CCDC102B: variants seen among roughly 807,000 people sequenced by gnomAD.
The protein encoded by CCDC102B is coiled-coil domain-containing protein 102B.
A neutral mutation model predicts 57.4 loss-of-function variants in CCDC102B; 75 were observed. That is an observed-to-expected ratio of 1.31 (90% CI 1.08 to 1.58). The LOEUF (loss-of-function observed/expected upper bound fraction) is 1.58, where lower values mean the gene tolerates loss of function less well. Ranked by LOEUF, CCDC102B falls within the 40% of genes most tolerant of loss-of-function variation. CCDC102B has a pLI of 0.00. For missense variants in CCDC102B, 636 were observed against 582.6 expected, an observed-to-expected ratio of 1.09 and a Z score of -0.94; for synonymous variants, 206 against 201.9, an observed-to-expected ratio of 1.02 and a Z score of -0.17.
intron 5 of CCDC102B, among the ~76,000 whole-genome samples, chr18:68,889,217 G>A (rs2039990358): frequency 6.6e-6 from 1 of 152,106 alleles, no homozygotes; most frequent in South Asian, 2.1e-4. Context: ...AAGTGATTAG[G>A]TCACGAGAGC....
At chr18:68,784,934 G>A (rs952740076) in intron 2 of CCDC102B, among the ~76,000 whole-genome samples, 7 of 151,044 alleles carry the variant, frequency 4.6e-5, no homozygotes, top group African/African-American at 1.5e-4. Context: ...CCACCAACTC[G>A]TCATTTAGCA....
intron 6 of CCDC102B, among the ~76,000 whole-genome samples, chr18:68,972,121 A>G (rs1245104154): frequency 6.6e-6 from 1 of 152,184 alleles, no homozygotes; most frequent in African/African-American, 2.4e-5. Context: ...AATCCAAAGT[A>G]CTAGATTTGG....
At chr18:68,755,316 C>T (rs1463961443) in intron 2 of CCDC102B, among the ~76,000 whole-genome samples, 2 of 152,114 alleles carry the variant, frequency 1.3e-5, no homozygotes, top group African/African-American at 4.8e-5. Flanking sequence ...TTATTTAGCT[C>T]AGCCTGCTGG....
At chr18:68,894,962 G>A (rs76835893) in intron 5 of CCDC102B, among the ~76,000 whole-genome samples, 1 of 151,838 alleles carries the variant, frequency 6.6e-6, no homozygotes, top group East Asian at 1.9e-4. Context: ...AATACTGCAA[G>A]TTCACAAAGA....
intron 6 of CCDC102B, chr18:68,897,769 G>T: frequency 3.6e-6 from 2 of 561,734 alleles, no homozygotes; most frequent in Non-Finnish European, 5.5e-6. Context: ...TTCCAATAAA[G>T]ATTTTTTCAT....
At chr18:68,968,554 T>C (rs74787298) in intron 6 of CCDC102B, among the ~76,000 whole-genome samples, 3,700 of 152,296 alleles carry the variant, frequency 0.024, 118 homozygotes, top group East Asian at 0.15. Flanking sequence ...CTCCATTTTA[T>C]CTTTGTACTA....
At chr18:68,930,754 T>C (rs2041643193) in intron 6 of CCDC102B, among the ~76,000 whole-genome samples, 1 of 151,904 alleles carries the variant, frequency 6.6e-6, no homozygotes, top group Admixed American at 6.6e-5. Context: ...AATCAGAATT[T>C]TGGATGGTTG....
intron 2 of CCDC102B, among the ~76,000 whole-genome samples, chr18:68,718,334 G>A (rs1175824515): frequency 6.6e-6 from 1 of 152,162 alleles, no homozygotes; most frequent in Non-Finnish European, 1.5e-5. Context: ...GTGCTATATA[G>A]CAACGAGAAT....
chr18:68,914,014 T>G (rs949191778), intron 6 of CCDC102B, among the ~76,000 whole-genome samples: 1 of 152,188 alleles, frequency 6.6e-6, no homozygotes, highest in Non-Finnish European at 1.5e-5. Context: ...GCACATATAT[T>G]TTAAAACATA....
intron 4 of CCDC102B, among the ~76,000 whole-genome samples, chr18:68,862,209 A>G (rs2038791312): frequency 6.6e-6 from 1 of 152,218 alleles, no homozygotes. Flanking sequence ...TCTATTGACC[A>G]TGTGATATCC....
At chr18:68,722,899 CTT>C (rs370512490) in intron 2 of CCDC102B, among the ~76,000 whole-genome samples, 46 of 131,768 alleles carry the variant, frequency 3.5e-4, no homozygotes, top group Middle Eastern at 3.6e-3. Context: ...TTTTTGCAAC[CTT>C]TTTTTTTTTT....
At chr18:68,930,660 C>T (rs971065422) in intron 6 of CCDC102B, among the ~76,000 whole-genome samples, 3 of 151,848 alleles carry the variant, frequency 2.0e-5, no homozygotes, top group African/African-American at 7.3e-5. Context: ...ATGTGGTCTA[C>T]GTGCTATAAC....
upstream of CCDC102B, among the ~76,000 whole-genome samples, chr18:68,796,402 G>T (rs1334094436): frequency 6.6e-6 from 1 of 152,092 alleles, no homozygotes; most frequent in African/African-American, 2.4e-5. Context: ...GATGATTTCA[G>T]TTTAGATAAG....
At chr18:68,851,425 A>G (rs1241852067) in intron 4 of CCDC102B, among the ~76,000 whole-genome samples, 3 of 152,216 alleles carry the variant, frequency 2.0e-5, no homozygotes, top group Admixed American at 6.5e-5. Flanking sequence ...GAATATAAAA[A>G]TGAAGCATGT....
At chr18:68,884,678 A>ATATT (rs201717524) in intron 5 of CCDC102B, among the ~76,000 whole-genome samples, 1,732 of 150,058 alleles carry the variant, frequency 0.012, 35 homozygotes, top group East Asian at 0.08. Context: ...ACATATATAT[A>ATATT]TGTATCCTCT....
intron 1 of CCDC102B, among the ~76,000 whole-genome samples, chr18:68,817,014 T>G (rs959185813): frequency 1.3e-5 from 2 of 152,232 alleles, no homozygotes; most frequent in African/African-American, 4.8e-5. Context: ...GTGAGTTGTG[T>G]TCAAGCCACA....
intron 2 of CCDC102B, among the ~76,000 whole-genome samples, chr18:68,756,905 C>G (rs200647294): frequency 1.6e-4 from 22 of 141,084 alleles, no homozygotes; most frequent in African/African-American, 5.5e-4. Context: ...GTGTGTGTGT[C>G]TGTGTGTCTG....
intron 6 of CCDC102B, among the ~76,000 whole-genome samples, chr18:68,938,657 TATG>T (rs1331673014): frequency 2.0e-5 from 3 of 151,826 alleles, no homozygotes; most frequent in South Asian, 2.1e-4. Context: ...CTAGATACAG[TATG>T]ATATCATTGA....
chr18:68,899,069 T>C (rs1781849935), intron 6 of CCDC102B, among the ~76,000 whole-genome samples: 1 of 151,812 alleles, frequency 6.6e-6, no homozygotes, highest in Admixed American at 6.6e-5. Context: ...TGCTGATCAC[T>C]TAGAAGACTG....
Sources: allele counts gnomAD v4.1 joint callset (sites outside exome capture counted in the v4.1 genomes callset), GRCh38; gene constraint gnomAD v4.1.1; transcripts MANE v1.5; gene names NCBI Gene and HGNC (gene_info 2026-07-23, HGNC 2026-07-21).